Variants in TAF4B observed in about 807,000 individuals in gnomAD.
The protein encoded by TAF4B is transcription initiation factor TFIID subunit 4B.
Under a neutral mutation model 86.4 loss-of-function variants are expected in TAF4B, and 38 were observed. The observed-to-expected ratio is 0.44, with a 90% CI of 0.34 to 0.58. The LOEUF (loss-of-function observed/expected upper bound fraction) is 0.58. TAF4B is among the 20% of genes least tolerant of loss of function. TAF4B has a pLI of 0.02. For synonymous variants in TAF4B, 388 were observed against 391.2 expected (o/e 0.99, Z 0.10); for missense variants, 988 against 1,027.6 (o/e 0.96, Z 0.53).
rs114014634 is a variant in TAF4B, at chr18:26,340,183, A to G, written c.2316+4952A>G. 4.3e-3 allele frequency among the ~76,000 whole-genome samples: 653 copies of G among 152,372 alleles called. 3 individuals carry two copies. Among genetic ancestry groups the G allele is most frequent in the African/African-American group, 0.015 (624 of 41,590 alleles). On this transcript the variant is annotated intron_variant, in intron 13 of 14. Transcript: ENST00000269142. ...AAAAACTGTTGGTGCAATTCTTCAT[A>G]AAACATTGTACAAGAAATAAAATAC...
At chr18:26,254,500 A>G (rs2056053246) in intron 1 of TAF4B, among the ~76,000 whole-genome samples, 1 of 152,142 alleles carries the variant, frequency 6.6e-6, no homozygotes, top group Non-Finnish European at 1.5e-5. Context: ...AATTGTGCAG[A>G]TTTTCAATGA....
chr18:26,293,544 A>G lies in TAF4B; in HGVS notation c.1832+13A>G. 2 of 1,530,776 alleles carry G rather than the reference A, an allele frequency of 1.3e-6. No individual in the cohort carries two copies. The highest frequency in any genetic ancestry group is 1.8e-6 in the Non-Finnish European group (2 of 1,140,176). The allele number at this position is 1,530,776 out of a possible 1,614,324, so 94.8% of individuals were successfully genotyped here. ...CATCATGCTTCCGGTAAGAAAATAAATAGTTAAATTTGGTTTAAGGAAGTA... is the reference window on the plus strand; with the variant it reads ...CATCATGCTTCCGGTAAGAAAATAAGTAGTTAAATTTGGTTTAAGGAAGTA... On this transcript the variant is annotated intron_variant, in intron 9 of 14. Coordinates refer to ENST00000269142, the MANE Select transcript of TAF4B (RefSeq NM_005640.3).
In TAF4B at chr18:26,274,670, C is replaced by T. The variant is rs1435130372; in HGVS notation, c.605C>T (p.Ala202Val). The T allele has an allele frequency of 6.2e-7, 1 of 1,614,168 alleles. No individual in the cohort carries two copies. The highest frequency in any genetic ancestry group is 1.7e-5 in the Admixed American group (1 of 60,024). The change falls in exon 4 of 15, where the codon GCT (alanine) becomes GTT (valine). Residue 202 changes from alanine to valine, a missense_variant. By Grantham distance (64) the Ala-to-Val change is moderately conservative. Coordinates refer to ENST00000269142, the MANE Select transcript of TAF4B (RefSeq NM_005640.3). ...TAATACCTTTAATTTCAGTCTGTGGCTGTGCCAACCAGTGTCGTCACAGTT... is the reference window on the plus strand; with the variant it reads ...TAATACCTTTAATTTCAGTCTGTGGTTGTGCCAACCAGTGTCGTCACAGTT... Reference protein sequence around the residue: ...VPKPSSVQSVAVPTSVVTVTP... With the variant: ...VPKPSSVQSVVVPTSVVTVTP...
rs533366941 is a variant in TAF4B at position 26,345,017 on chromosome 18, G to C, written c.2316+9786G>C. Among the ~76,000 whole-genome samples the C allele has an allele frequency of 5.3e-5, 8 of 152,244 alleles. No individual in the cohort carries two copies. In the South Asian group the frequency reaches 1.0e-3, roughly 20 times the overall value. ...CAAACGCATACAGTCCTTACTACAG[G>C]AGAATCCCACAGTCCTCAAAAGCCC... is the stretch of plus-strand genomic sequence containing the variant. On this transcript the variant is annotated intron_variant, in intron 13 of 14. Transcript: ENST00000269142.
intron 13 of TAF4B, among the ~76,000 whole-genome samples, chr18:26,352,000 C>G (rs1050241368): frequency 6.6e-6 from 1 of 151,838 alleles, no homozygotes; most frequent in Non-Finnish European, 1.5e-5. Context: ...TATTGTAATC[C>G]CTAGAGCCGT....
At chr18:26,367,504 C>G (rs904147652) in intron 14 of TAF4B, among the ~76,000 whole-genome samples, 1 of 152,148 alleles carries the variant, frequency 6.6e-6, no homozygotes, top group Non-Finnish European at 1.5e-5. Flanking sequence ...TCTTTTTGTT[C>G]TATCCAGGCC....
At chr18:26,350,769 G>T (rs925077753) in intron 13 of TAF4B, among the ~76,000 whole-genome samples, 19 of 152,240 alleles carry the variant, frequency 1.2e-4, no homozygotes, top group Middle Eastern at 3.4e-3. Flanking sequence ...GGTATGGGAA[G>T]AAATGTTCTA....
intron 1 of TAF4B, among the ~76,000 whole-genome samples, chr18:26,230,150 C>G (rs2055643700): frequency 6.6e-6 from 1 of 152,106 alleles, no homozygotes; most frequent in Admixed American, 6.5e-5. Flanking sequence ...AACTGTGGTT[C>G]TTCTTGATAT....
At chr18:26,389,765 C>A (rs1377346692) in intron 14 of TAF4B, 80 bp from the exon 15 acceptor site, 2 of 1,463,526 alleles carry the variant, frequency 1.4e-6, no homozygotes, top group Non-Finnish European at 9.3e-7. Flanking sequence ...GGGTAGTGGG[C>A]TCTGACATGC....
intron 1 of TAF4B, among the ~76,000 whole-genome samples, chr18:26,238,200 TTAGAGTCCTAA>T (rs1419200521): frequency 6.6e-6 from 1 of 152,140 alleles, no homozygotes; most frequent in Admixed American, 6.5e-5. Context: ...CGAAAACCTG[TTAGAGTCCTAA>T]GCATTTTCTC....
At chr18:26,342,511 T>G (rs1211422430) in intron 13 of TAF4B, among the ~76,000 whole-genome samples, 1 of 152,216 alleles carries the variant, frequency 6.6e-6, no homozygotes, top group African/African-American at 2.4e-5. Flanking sequence ...GAAAATTATG[T>G]GCTTAGCATC....
intron 9 of TAF4B, among the ~76,000 whole-genome samples, chr18:26,308,142 T>C (rs1268954794): frequency 6.6e-6 from 1 of 152,032 alleles, no homozygotes; most frequent in Non-Finnish European, 1.5e-5. Flanking sequence ...TAATCCTAGC[T>C]ACTTGGGAGG....
Position 26,227,104 on chromosome 18 carries a change from G to A in TAF4B, c.171G>A (p.Thr57=). Residue 57 remains threonine (T), a synonymous_variant, in exon 1 of 15, where the codon ACG becomes ACA. Coordinates refer to ENST00000269142, the MANE Select transcript of TAF4B (RefSeq NM_005640.3). ...CTGTCAGCGTCTGCGTGGAGCCCAC[G>A]GCGTCCCAGCCCCTGCGGTCCCCCG... ...KAPVSVCVEP[T]ASQPLRSPVG... 6.2e-7 allele frequency: 1 copy of A among 1,612,138 alleles called. No homozygotes were observed. The highest frequency in any genetic ancestry group is 8.5e-7 in the Non-Finnish European group (1 of 1,179,324).
intron 10 of TAF4B, 76 bp downstream of exon 10, chr18:26,315,474 G>A: frequency 2.5e-6 from 3 of 1,196,510 alleles, no homozygotes; most frequent in Non-Finnish European, 3.4e-6. Flanking sequence ...GAGACAACCT[G>A]GGTTGGTTGT....
rs1346128039 is a variant in TAF4B, at chr18:26,391,503, A to C, written c.*1491A>C. 1.3e-5 allele frequency: 2 copies of C among 152,156 alleles called. No homozygotes were observed. Among genetic ancestry groups the C allele is most frequent in the African/African-American group, 4.8e-5 (2 of 41,434 alleles). 9.4% of individuals were successfully genotyped at this position (152,156 alleles called of 1,614,324 possible). Reference sequence around the variant, plus strand: ...TCAGCAAGTTATGTAAAATGCTATAAATTATGTGTATGTTAAAGGAGTACT... The same window carrying C: ...TCAGCAAGTTATGTAAAATGCTATACATTATGTGTATGTTAAAGGAGTACT... On this transcript the variant is annotated 3_prime_UTR_variant, in exon 15 of 15. Coordinates refer to ENST00000269142, the MANE Select transcript of TAF4B (RefSeq NM_005640.3).
intron 7 of TAF4B, 120 bp downstream of exon 7, chr18:26,286,619 A>T: frequency 1.0e-6 from 1 of 991,968 alleles, no homozygotes; most frequent in South Asian, 2.0e-5. Flanking sequence ...TTGACCAATT[A>T]ATTTTTTTTT....
chr18:26,281,433 T>C (rs551731702), intron 5 of TAF4B, among the ~76,000 whole-genome samples: 2 of 152,338 alleles, frequency 1.3e-5, no homozygotes, highest in South Asian at 2.1e-4. Flanking sequence ...TTTTATACAT[T>C]TGAAAAGAAT....
chr18:26,362,076 GT>G (rs2144313715), intron 14 of TAF4B, among the ~76,000 whole-genome samples: 1 of 152,204 alleles, frequency 6.6e-6, no homozygotes, highest in Admixed American at 6.5e-5. Flanking sequence ...AACAAATTAT[GT>G]TAAATGTTTG....
chr18:26,346,861 G>GTGTGTGTA (rs1555623686), intron 13 of TAF4B, among the ~76,000 whole-genome samples: 1 of 17,776 alleles, frequency 5.6e-5, no homozygotes, highest in Non-Finnish European at 1.7e-4. Context: ...ATATATATGT[G>GTGTGTGTA]TATATATATA....
Sources: allele counts gnomAD v4.1 joint callset (sites outside exome capture counted in the v4.1 genomes callset), GRCh38; gene constraint gnomAD v4.1.1; transcripts MANE v1.5; gene names NCBI Gene and HGNC (gene_info 2026-07-23, HGNC 2026-07-21).